The following RORA variants were observed in gnomAD, a reference collection of about 807,000 sequenced individuals.
RORA encodes the protein nuclear receptor ROR-alpha.
A neutral mutation model predicts 69.5 loss-of-function variants in RORA; 7 were observed. That is an observed-to-expected ratio of 0.10 (90% CI 0.06 to 0.19). RORA has a LOEUF of 0.19. Ranked by LOEUF, RORA falls within the 10% of genes least tolerant of loss-of-function variation. The pLI is 1.00. For missense variants in RORA, 457 were observed against 663.0 expected (o/e 0.69, Z 3.41); for synonymous variants, 261 against 240.8 (o/e 1.08, Z -0.78).
intron 1 of RORA, among the ~76,000 whole-genome samples, chr15:61,123,898 A>T (rs553213941): frequency 3.5e-4 from 54 of 152,148 alleles, no homozygotes; most frequent in South Asian, 8.3e-4. Context: ...GGTACTTGAC[A>T]CCTCTGGGTA....
chr15:61,177,524 C>T (rs2079640662), intron 1 of RORA, among the ~76,000 whole-genome samples: 1 of 152,122 alleles, frequency 6.6e-6, no homozygotes, highest in Non-Finnish European at 1.5e-5. Context: ...CTGTCAGCAC[C>T]AGGGCCCAGC....
intron 2 of RORA, among the ~76,000 whole-genome samples, chr15:60,625,249 T>A (rs2069543622): frequency 6.6e-6 from 1 of 152,104 alleles, no homozygotes; most frequent in African/African-American, 2.4e-5. Context: ...TTTGTCCATG[T>A]TTAGATTTAC....
At chr15:61,098,548 G>T (rs1359427385) in intron 1 of RORA, among the ~76,000 whole-genome samples, 1 of 152,002 alleles carries the variant, frequency 6.6e-6, no homozygotes, top group African/African-American at 2.4e-5. Flanking sequence ...TCACTATGTT[G>T]CCCAGGCTAG....
intron 1 of RORA, among the ~76,000 whole-genome samples, chr15:60,858,576 C>T (rs559750684): frequency 1.4e-5 from 2 of 141,328 alleles, no homozygotes; most frequent in South Asian, 5.2e-4. Context: ...GGAGGGACAG[C>T]GGGGATGGGG....
At chr15:60,829,954 G>A (rs2073020167) in intron 1 of RORA, among the ~76,000 whole-genome samples, 2 of 152,200 alleles carry the variant, frequency 1.3e-5, no homozygotes, top group Admixed American at 6.5e-5. Context: ...TTGGCATACA[G>A]TGGGAGCACA....
At chr15:60,746,700 T>G (rs1308862595) in intron 1 of RORA, among the ~76,000 whole-genome samples, 2 of 152,226 alleles carry the variant, frequency 1.3e-5, no homozygotes, top group Non-Finnish European at 2.9e-5. Flanking sequence ...TTGCTATGAC[T>G]GTGTGTGGAC....
At chr15:60,924,258 T>A (rs1017586468) in intron 1 of RORA, among the ~76,000 whole-genome samples, 2 of 151,208 alleles carry the variant, frequency 1.3e-5, no homozygotes, top group African/African-American at 2.4e-5. Context: ...AGGAAGGGGT[T>A]GAGTTACATT....
At chr15:60,766,548 T>C (rs987806374) in intron 1 of RORA, among the ~76,000 whole-genome samples, 1 of 152,178 alleles carries the variant, frequency 6.6e-6, no homozygotes, top group Non-Finnish European at 1.5e-5. Flanking sequence ...AGGAGGCATT[T>C]GAAAGCATCA....
At chr15:60,939,452 T>C (rs778898855) in intron 1 of RORA, among the ~76,000 whole-genome samples, 107 of 152,310 alleles carry the variant, frequency 7.0e-4, no homozygotes, top group Non-Finnish European at 3.5e-4. Context: ...ACGTGCTCAC[T>C]TGCAACTCTG....
intron 2 of RORA, among the ~76,000 whole-genome samples, chr15:60,549,366 C>A (rs112776368): frequency 0.026 from 3,985 of 152,256 alleles, 148 homozygotes; most frequent in African/African-American, 0.076. Flanking sequence ...TTTCCTCCCC[C>A]ATTCATTGCC....
intron 1 of RORA, among the ~76,000 whole-genome samples, chr15:61,059,417 T>G (rs2078139926): frequency 6.6e-6 from 1 of 152,232 alleles, no homozygotes; most frequent in South Asian, 2.1e-4. Context: ...AATATTTAAT[T>G]GTTACTCTTT....
At chr15:60,522,966 A>G (rs1359157496) in intron 3 of RORA, among the ~76,000 whole-genome samples, 2 of 148,990 alleles carry the variant, frequency 1.3e-5, no homozygotes, top group Non-Finnish European at 3.0e-5. Flanking sequence ...GCTACCCAGG[A>G]GGCGGAGGTT....
At chr15:60,651,103 C>A (rs988908050) in intron 2 of RORA, among the ~76,000 whole-genome samples, 1 of 152,166 alleles carries the variant, frequency 6.6e-6, no homozygotes, top group Non-Finnish European at 1.5e-5. Context: ...GAATACTGAA[C>A]AGTTTTGATT....
intron 1 of RORA, among the ~76,000 whole-genome samples, chr15:61,136,347 G>C (rs146487439): frequency 9.9e-4 from 150 of 152,270 alleles, no homozygotes; most frequent in African/African-American, 3.2e-3. Context: ...CAGTTGTTAC[G>C]TGTGATGCTA....
chr15:60,844,929 A>C (rs558515452), intron 1 of RORA, among the ~76,000 whole-genome samples: 1 of 152,230 alleles, frequency 6.6e-6, no homozygotes, highest in Non-Finnish European at 1.5e-5. Flanking sequence ...TTTGTGGCCA[A>C]TGAGCCGTCT....
intron 1 of RORA, among the ~76,000 whole-genome samples, chr15:60,777,796 T>A (rs1361104758): frequency 6.6e-6 from 1 of 152,118 alleles, no homozygotes; most frequent in African/African-American, 2.4e-5. Flanking sequence ...GCACAGGGAA[T>A]GAGTAAAATA....
At chr15:60,608,466 G>A (rs1262779406) in intron 2 of RORA, among the ~76,000 whole-genome samples, 1 of 152,158 alleles carries the variant, frequency 6.6e-6, no homozygotes, top group African/African-American at 2.4e-5. Flanking sequence ...AGAGGCCTCT[G>A]GTTCAGCAGA....
At chr15:61,035,633 C>G (rs965772272) in intron 1 of RORA, among the ~76,000 whole-genome samples, 1 of 152,138 alleles carries the variant, frequency 6.6e-6, no homozygotes, top group East Asian at 1.9e-4. Flanking sequence ...TTTGGAGGGC[C>G]CCGGCAGGTA....
At chr15:61,173,711 A>T (rs1383264258) in intron 1 of RORA, among the ~76,000 whole-genome samples, 1 of 152,202 alleles carries the variant, frequency 6.6e-6, no homozygotes, top group Non-Finnish European at 1.5e-5. Context: ...GCTGGAGTGC[A>T]GTGGCGTGAC....
Sources: allele counts gnomAD v4.1 joint callset (sites outside exome capture counted in the v4.1 genomes callset), GRCh38; gene constraint gnomAD v4.1.1; transcripts MANE v1.5; gene names NCBI Gene and HGNC (gene_info 2026-07-23, HGNC 2026-07-21).